The following AHNAK2 variants were observed in gnomAD, a reference collection of about 807,000 sequenced individuals.
The protein encoded by AHNAK2 is protein AHNAK2.
Under a neutral mutation model 30.7 loss-of-function variants are expected in AHNAK2, and 18 were observed. The observed-to-expected ratio is 0.59, with a 90% CI of 0.41 to 0.87. AHNAK2 has a LOEUF of 0.87. Among genes scored for constraint, AHNAK2 ranks in the 40% least tolerant of loss-of-function variants. The pLI is 0.00. For synonymous variants in AHNAK2, 3,590 were observed against 3,073.8 expected, an observed-to-expected ratio of 1.17 and a Z score of -5.56; for missense variants, 8,604 against 7,373.0, an observed-to-expected ratio of 1.17 and a Z score of -6.11.
rs756536634 is a variant in AHNAK2 at position 104,950,577 on chromosome 14, T to G, written c.4874A>C (p.Glu1625Ala). Residue 1625 changes from glutamate to alanine, a missense_variant, in exon 7 of 7, where the codon GAG (glutamate) becomes GCG (alanine). Transcript: ENST00000333244. ...PDVKMSLSSM[E>A]VDVQAPRAKL... ...TGCTCTCGGGGCCTGGACGTCCACCTCCATGCTGGACAGAGACATCTTCAC... is the reference window on the plus strand; with the variant it reads ...TGCTCTCGGGGCCTGGACGTCCACCGCCATGCTGGACAGAGACATCTTCAC... 1.4e-5 allele frequency: 23 copies of G among 1,586,816 alleles called. 4 individuals carry two copies. The highest frequency in any genetic ancestry group is 5.2e-6 in the Non-Finnish European group (6 of 1,162,906).
chr14:104,969,109 G>A (rs552091479), intron 1 of AHNAK2, among the ~76,000 whole-genome samples: 4 of 152,156 alleles, frequency 2.6e-5, no homozygotes, highest in East Asian at 3.8e-4. Flanking sequence ...TAACTCTCTC[G>A]GGATGAGCTC....
Position 104,938,256 on chromosome 14 carries a change from G to A in AHNAK2, c.17195C>T (p.Thr5732Met), listed in dbSNP as rs748358. The A allele has an allele frequency of 3.9e-3, 6,310 of 1,613,838 alleles. 191 individuals carry two copies. The African/African-American group carries it at 0.069, about 18-fold the overall frequency. The change falls in exon 7 of 7, where the codon ACG becomes ATG. Residue 5732 changes from threonine to methionine, a missense_variant. Physicochemically the swap from Thr to Met is moderately conservative, Grantham distance 81. Transcript: ENST00000333244. ...GAAACTTTCTCGGGCATCAAAAAAC[G>A]TGATTGTTTCTTCTTGAAGTTTTTG... Reference protein sequence around the residue: ...EEQKLQEETITFFDARESFSP... With the variant: ...EEQKLQEETIMFFDARESFSP...
chr14:104,945,107 G>C lies in AHNAK2; in HGVS notation c.10344C>G (p.Ala3448=). 1 of 1,612,852 alleles carries C rather than the reference G, an allele frequency of 6.2e-7. No homozygotes were observed. The highest frequency in any genetic ancestry group is 1.3e-5 in the African/African-American group (1 of 74,544). The part of the protein sequence containing the change: ...SVEVDVQAPR[A]KLDGARLEGD... ...CCTCCAGCCGCGCACCATCCAGCTT[G>C]GCTCTCGGGGCCTGGACGTCCACCT... The change falls in exon 7 of 7, where the codon GCC becomes GCG. Residue 3448 remains alanine, a synonymous_variant. Transcript: ENST00000333244.
Position 104,953,915 on chromosome 14 carries a change from C to A in AHNAK2, c.1536G>T (p.Gln512His). Reference protein sequence around the residue: ...PERERRLSTPQRGKRQDASSK... With the variant: ...PERERRLSTPHRGKRQDASSK... ...AGGACGCATCCTGTCTCTTCCCTCG[C>A]TGTGGGGTACTAAGGCGCCTTTCTC... The change falls in exon 7 of 7, where the codon CAG becomes CAT. Residue 512 changes from glutamine to histidine, a missense_variant. Coordinates refer to ENST00000333244, the MANE Select transcript of AHNAK2 (RefSeq NM_138420.4). 1.2e-6 allele frequency: 2 copies of A among 1,614,022 alleles called. No individual in the cohort carries two copies. The highest frequency in any genetic ancestry group is 3.3e-5 in the Admixed American group (2 of 60,028).
At position 104,949,825 on chromosome 14, in the gene AHNAK2, G is replaced by A. The variant is rs1221478825; in HGVS notation, c.5626C>T (p.Pro1876Ser). 1 of 1,587,240 alleles carries A rather than the reference G, an allele frequency of 6.3e-7. No individual in the cohort carries two copies. The highest frequency in any genetic ancestry group is 8.6e-7 in the Non-Finnish European group (1 of 1,163,084). ...GCCTGGACCACCAGGTCTGCAGAAG[G>A]GAGCGGAATGCAGAGGTCCGTGGTC... ...LKTTDLCIPLPSADLVVQAGQ... is the reference protein window; with the variant it reads ...LKTTDLCIPLSSADLVVQAGQ... The change falls in exon 7 of 7, where the codon CCT (proline) becomes TCT (serine). Residue 1876 changes from proline (P) to serine (S), a missense_variant. Coordinates refer to ENST00000333244, the MANE Select transcript of AHNAK2 (RefSeq NM_138420.4).
At chr14:104,955,673 C>T (rs764052405) in intron 4 of AHNAK2, 40 bp from the exon 5 acceptor site, 5 of 1,597,780 alleles carry the variant, frequency 3.1e-6, no homozygotes, top group Non-Finnish European at 4.3e-6. Context: ...GAGCATGTGC[C>T]AGTCCCACCA....
chr14:104,939,333 A>C lies in AHNAK2; in HGVS notation c.16118T>G (p.Val5373Gly). The part of the protein sequence containing the change: ...DMPSQISVVN[V>G]DQLWEDSVLT... Reference sequence around the variant, plus strand: ...GACAGAATCTTCCCACAGTTGATCCACATTAACCACAGAAATCTGGGATGG... The same window carrying C: ...GACAGAATCTTCCCACAGTTGATCCCCATTAACCACAGAAATCTGGGATGG... Residue 5373 changes from valine (V) to glycine (G), a missense_variant, in exon 7 of 7, where the codon GTG (valine) becomes GGG (glycine). Physicochemically the swap from Val to Gly is moderately radical, Grantham distance 109. Transcript: ENST00000333244. 1 of 1,613,782 alleles carries C rather than the reference A, an allele frequency of 6.2e-7. No homozygotes were observed. The highest frequency in any genetic ancestry group is 2.2e-5 in the East Asian group (1 of 44,886).
In AHNAK2 at chr14:104,944,994, G is replaced by C. The variant is rs777676247; in HGVS notation, c.10457C>G (p.Ser3486Trp). The C allele has an allele frequency of 6.2e-7, 1 of 1,612,878 alleles. No individual in the cohort carries two copies. Among genetic ancestry groups the C allele is most frequent in the South Asian group, 1.1e-5 (1 of 91,012 alleles). Residue 3486 changes from serine (S) to tryptophan (W), a missense_variant, in exon 7 of 7, where the codon TCG (serine) becomes TGG (tryptophan). Transcript: ENST00000333244. ...GGCCTCGATGGACCTGCCTGGGGCC[G>C]ACACCCCGAAGGAGGGCATCTTGAA... ...PKFKMPSFGV[S>W]APGRSIEASL...
rs774334467 is a variant in AHNAK2 at position 104,948,380 on chromosome 14, C to A, written c.7071G>T (p.Met2357Ile). ...GGTCAGTGGTCTTGAGGTCCCCCTG[C>A]ATGGAGGGGAGGCTCACGTCGGCCT... The part of the protein sequence containing the change: ...KVEADVSLPS[M>I]QGDLKTTDLS... Residue 2357 changes from methionine (M) to isoleucine (I), a missense_variant, in exon 7 of 7, where the codon ATG becomes ATT. By Grantham distance (10) the Met-to-Ile change is conservative. Coordinates refer to ENST00000333244, the MANE Select transcript of AHNAK2 (RefSeq NM_138420.4). 5.0e-6 allele frequency: 8 copies of A among 1,612,588 alleles called. No homozygotes were observed. The Middle Eastern group carries it at 6.6e-4, about 133-fold the overall frequency.
intron 1 of AHNAK2, among the ~76,000 whole-genome samples, chr14:104,964,293 T>C (rs1198219354): frequency 6.6e-6 from 1 of 152,164 alleles, no homozygotes; most frequent in Admixed American, 6.5e-5. Flanking sequence ...CGAGGTGCCA[T>C]ATGCTCCCAG....
rs750192298 is a variant in AHNAK2, at chr14:104,942,884, G to T, written c.12567C>A (p.Asp4189Glu). The T allele has an allele frequency of 1.2e-6, 2 of 1,611,808 alleles. No homozygotes were observed. The highest frequency in any genetic ancestry group is 1.7e-6 in the Non-Finnish European group (2 of 1,179,148). The change falls in exon 7 of 7, where the codon GAC becomes GAA. Residue 4189 changes from aspartate to glutamate, a missense_variant. Coordinates refer to ENST00000333244, the MANE Select transcript of AHNAK2 (RefSeq NM_138420.4). ...TDLSIQSPSA[D>E]LEVQAGQVDV... ...CCACTTGGCCAGCCTGGACCTCCAG[G>T]TCGGCGGAAGGGGACTGAATGCTGA...
intron 1 of AHNAK2, among the ~76,000 whole-genome samples, chr14:104,964,148 GACAA>G (rs1899234482): frequency 6.6e-6 from 1 of 152,112 alleles, no homozygotes; most frequent in Non-Finnish European, 1.5e-5. Context: ...CAAACCAAAA[GACAA>G]ACAACCCGAT....
chr14:104,958,219 C>T (rs992792580), intron 1 of AHNAK2, among the ~76,000 whole-genome samples: 1 of 152,032 alleles, frequency 6.6e-6, no homozygotes, highest in African/African-American at 2.4e-5. Flanking sequence ...GAGGCTGAGG[C>T]GGGTGGATCA....
At chr14:104,963,850 A>G (rs7154238) in intron 1 of AHNAK2, among the ~76,000 whole-genome samples, 2,063 of 151,670 alleles carry the variant, frequency 0.014, 54 homozygotes, top group African/African-American at 0.047. Flanking sequence ...AGAAAAAAAA[A>G]AGAGAGAGAG....
rs1357836754 is a variant in AHNAK2 at position 104,942,501 on chromosome 14, A to G, written c.12950T>C (p.Ile4317Thr). The change falls in exon 7 of 7, where the codon ATC (isoleucine) becomes ACC (threonine). Residue 4317 changes from isoleucine to threonine, a missense_variant. Transcript: ENST00000333244. ...CGCAGACACATCCAACGAGGCCTCGATGGACTTGCCTGGGGCAGACACCCC... is the reference window on the plus strand; with the variant it reads ...CGCAGACACATCCAACGAGGCCTCGGTGGACTTGCCTGGGGCAGACACCCC... Reference protein sequence around the residue: ...SFGVSAPGKSIEASLDVSALK... With the variant: ...SFGVSAPGKSTEASLDVSALK... The G allele has an allele frequency of 6.2e-7, 1 of 1,612,866 alleles. No homozygotes were observed. Among genetic ancestry groups the G allele is most frequent in the East Asian group, 2.2e-5 (1 of 44,708 alleles).
At position 104,978,290 on chromosome 14, in the gene AHNAK2, C is replaced by T; in HGVS notation, c.-53G>A. 9.1e-7 allele frequency: 1 copy of T among 1,097,438 alleles called. No individual in the cohort carries two copies. The highest frequency in any genetic ancestry group is 1.1e-6 in the Non-Finnish European group (1 of 892,200). 68.0% of individuals were successfully genotyped at this position (1,097,438 alleles called of 1,614,324 possible). A position where few individuals can be genotyped will look rare whatever the true frequency, so the allele number is the denominator to read the frequency against. On this transcript the variant is annotated 5_prime_UTR_variant, in exon 1 of 7. Coordinates refer to ENST00000333244, the MANE Select transcript of AHNAK2 (RefSeq NM_138420.4). ...CGGCCCGTCGCGTCCAGTCGCTGGT[C>T]CCGGCTCCGGCGCACGGGGCGGGCG...
intron 1 of AHNAK2, among the ~76,000 whole-genome samples, chr14:104,963,372 C>T (rs989343984): frequency 4.6e-5 from 7 of 152,180 alleles, no homozygotes; most frequent in African/African-American, 1.4e-4. Context: ...CATTAATCTT[C>T]GCCCCACCTC....
At chr14:104,974,969 G>A (rs971868756) in intron 1 of AHNAK2, among the ~76,000 whole-genome samples, 3 of 152,186 alleles carry the variant, frequency 2.0e-5, no homozygotes, top group Non-Finnish European at 4.4e-5. Context: ...GAGGCCTTCC[G>A]CATAGGTGTC....
chr14:104,952,810 G>T lies in AHNAK2; in HGVS notation c.2641C>A (p.Leu881Ile), dbSNP rs1405225809. ...TCAGCGGAAGGGGGCTGAATGCTGA[G>T]GTCAGTGGCCTTGAGGTCCCCCTGC... ...SMQGDLKATD[L>I]SIQPPSADLE... The change falls in exon 7 of 7, where the codon CTC becomes ATC. Residue 881 changes from leucine (L) to isoleucine (I), a missense_variant. Coordinates refer to ENST00000333244, the MANE Select transcript of AHNAK2 (RefSeq NM_138420.4). The T allele has an allele frequency of 5.6e-6, 9 of 1,612,392 alleles. No individual in the cohort carries two copies. The Admixed American group carries it at 1.5e-4, about 27-fold the overall frequency.
Sources: allele counts gnomAD v4.1 joint callset (sites outside exome capture counted in the v4.1 genomes callset), GRCh38; gene constraint gnomAD v4.1.1; transcripts MANE v1.5; gene names NCBI Gene and HGNC (gene_info 2026-07-23, HGNC 2026-07-21).